Variants in DNAJC12 observed in about 807,000 individuals in gnomAD.
DNAJC12 encodes the protein dnaJ homolog subfamily C member 12.
DNAJC12 carries 25 observed loss-of-function variants against 28.5 expected under a neutral mutation model. The ratio of observed to expected loss-of-function variants is 0.88; its 90% CI spans 0.64 to 1.22. The LOEUF (loss-of-function observed/expected upper bound fraction) is 1.22, where lower values mean the gene tolerates loss of function less well. Ranked by LOEUF, DNAJC12 falls within the 50% of genes most tolerant of loss-of-function variation. The pLI is 0.00. For synonymous variants in DNAJC12, 77 were observed against 80.6 expected, an observed-to-expected ratio of 0.95 and a Z score of 0.24; for missense variants, 222 against 231.7, an observed-to-expected ratio of 0.96 and a Z score of 0.27.
At chr10:67,807,909 C>G (rs190231924) in intron 3 of DNAJC12, among the ~76,000 whole-genome samples, 1 of 152,302 alleles carries the variant, frequency 6.6e-6, no homozygotes, top group Non-Finnish European at 1.5e-5. Context: ...TTATCAGACT[C>G]CCATATCTGC....
chr10:67,802,960 C>T (rs535701790), intron 4 of DNAJC12, among the ~76,000 whole-genome samples: 5 of 151,418 alleles, frequency 3.3e-5, no homozygotes, highest in East Asian at 2.0e-4. Flanking sequence ...CACACACACC[C>T]GGGCTCAAGT....
chr10:67,815,947 C>T, intron 2 of DNAJC12: 1 of 396,480 alleles, frequency 2.5e-6, no homozygotes, highest in Non-Finnish European at 4.4e-6. Flanking sequence ...TTGTTCCATC[C>T]ACTTCACCAC....
chr10:67,816,569 A>G (rs1039497186), intron 2 of DNAJC12, among the ~76,000 whole-genome samples: 2 of 141,756 alleles, frequency 1.4e-5, no homozygotes, highest in African/African-American at 5.4e-5. Flanking sequence ...TTTTTGAGGC[A>G]GAGTCTCTCT....
intron 2 of DNAJC12, among the ~76,000 whole-genome samples, chr10:67,817,159 C>G (rs1340587049): frequency 6.6e-6 from 1 of 152,026 alleles, no homozygotes; most frequent in Non-Finnish European, 1.5e-5. Context: ...CAAGGAAAGA[C>G]AATCCACTGA....
Position 67,797,732 on chromosome 10 carries a change from T to C in DNAJC12, c.503-522A>G, listed in dbSNP as rs150608586. 2.0e-3 allele frequency among the ~76,000 whole-genome samples: 298 copies of C among 152,226 alleles called. 7 individuals carry two copies. Among genetic ancestry groups the C allele is most frequent in the East Asian group, 6.6e-3 (34 of 5,188 alleles). The stretch of plus-strand genomic sequence containing the variant: ...CTGGCAGGCAATTTGGCAATATTTA[T>C]CAAACTCGTTAAAATGTATAAACCT... On this transcript the variant is annotated intron_variant, in intron 4 of 4. Transcript: ENST00000225171.
intron 4 of DNAJC12, among the ~76,000 whole-genome samples, chr10:67,803,132 G>T (rs765010956): frequency 2.0e-4 from 30 of 151,714 alleles, no homozygotes; most frequent in Non-Finnish European, 3.5e-4. Context: ...GAGCCACTGC[G>T]CCTGGACAAT....
chr10:67,821,306 C>A (rs950402272), intron 2 of DNAJC12, among the ~76,000 whole-genome samples: 4 of 151,936 alleles, frequency 2.6e-5, no homozygotes, highest in Non-Finnish European at 5.9e-5. Flanking sequence ...CACCTGAGGA[C>A]GGGAGTTTGA....
intron 2 of DNAJC12, among the ~76,000 whole-genome samples, chr10:67,822,478 C>T (rs1243903604): frequency 1.3e-5 from 2 of 151,986 alleles, no homozygotes; most frequent in Non-Finnish European, 2.9e-5. Context: ...GAGACATCAA[C>T]TGTGGACTTC....
intron 1 of DNAJC12, among the ~76,000 whole-genome samples, chr10:67,832,196 C>T (rs1386313481): frequency 6.8e-6 from 1 of 148,102 alleles, no homozygotes; most frequent in East Asian, 2.0e-4. Flanking sequence ...ACCCGGGAGG[C>T]GAAGGTTGCA....
chr10:67,811,381 G>A (rs980664824), intron 3 of DNAJC12, 143 bp downstream of exon 3: 11 of 1,488,854 alleles, frequency 7.4e-6, no homozygotes, highest in East Asian at 2.4e-5. Flanking sequence ...TGGGATTTAC[G>A]GACACTGAAT....
intron 1 of DNAJC12, among the ~76,000 whole-genome samples, chr10:67,831,149 T>C (rs952144425): frequency 2.6e-5 from 4 of 152,128 alleles, no homozygotes; most frequent in Admixed American, 1.3e-4. Context: ...GATCGCACCA[T>C]TGCACTCCAG....
intron 4 of DNAJC12, among the ~76,000 whole-genome samples, chr10:67,798,084 T>G (rs189324847): frequency 2.0e-5 from 3 of 151,720 alleles, no homozygotes; most frequent in Admixed American, 6.6e-5. Context: ...CCAATAATTT[T>G]ACTCCTTGAA....
At chr10:67,822,240 G>C (rs1841988072) in intron 2 of DNAJC12, among the ~76,000 whole-genome samples, 1 of 152,178 alleles carries the variant, frequency 6.6e-6, no homozygotes, top group South Asian at 2.1e-4. Context: ...GCAGCCCAAA[G>C]AGGCTGGAGG....
intron 1 of DNAJC12, among the ~76,000 whole-genome samples, chr10:67,824,768 C>CT (rs1842013118): frequency 1.3e-5 from 2 of 152,046 alleles, no homozygotes; most frequent in Admixed American, 1.3e-4. Flanking sequence ...GAGTCTCACT[C>CT]TGTCACCCAG....
intron 2 of DNAJC12, 90 bp downstream of exon 2, chr10:67,823,224 G>GA (rs1841997412): frequency 9.4e-7 from 1 of 1,067,420 alleles, no homozygotes; most frequent in Non-Finnish European, 1.4e-6. Flanking sequence ...ATAGACAAGA[G>GA]AAAATTGAGA....
At chr10:67,824,355 T>C (rs2131808787) in intron 1 of DNAJC12, among the ~76,000 whole-genome samples, 1 of 152,202 alleles carries the variant, frequency 6.6e-6, no homozygotes, top group South Asian at 2.1e-4. Context: ...AGGATAACTG[T>C]CTCTGAATTA....
At chr10:67,813,007 G>A (rs1035593276) in intron 2 of DNAJC12, among the ~76,000 whole-genome samples, 2 of 152,144 alleles carry the variant, frequency 1.3e-5, no homozygotes, top group South Asian at 2.1e-4. Flanking sequence ...GTCCGACAGA[G>A]CAAGACTCCA....
chr10:67,830,416 G>A (rs1842081365), intron 1 of DNAJC12, among the ~76,000 whole-genome samples: 1 of 151,684 alleles, frequency 6.6e-6, no homozygotes, highest in South Asian at 2.1e-4. Context: ...AGACCATCCT[G>A]GCTAACACAG....
At chr10:67,814,622 G>T (rs1025403550) in intron 2 of DNAJC12, among the ~76,000 whole-genome samples, 3 of 152,066 alleles carry the variant, frequency 2.0e-5, no homozygotes, top group Non-Finnish European at 2.9e-5. Context: ...ATCTGATAAG[G>T]TACTTATATC....
Sources: allele counts gnomAD v4.1 joint callset (sites outside exome capture counted in the v4.1 genomes callset), GRCh38; gene constraint gnomAD v4.1.1; transcripts MANE v1.5; gene names NCBI Gene and HGNC (gene_info 2026-07-23, HGNC 2026-07-21).